SCAND3: variants seen among roughly 807,000 people sequenced by gnomAD.
The protein encoded by SCAND3 is SCAN domain-containing protein 3.
the SCAND3 span, among the ~76,000 whole-genome samples, chr6:28,585,021 C>T: frequency 6.6e-6 from 1 of 152,210 alleles, no homozygotes; most frequent in Non-Finnish European, 1.5e-5. Flanking sequence ...AACAAATGCT[C>T]CATTTCCTCC....
the SCAND3 span, among the ~76,000 whole-genome samples, chr6:28,611,005 T>A: frequency 3.2e-4 from 49 of 152,292 alleles, no homozygotes; most frequent in South Asian, 6.6e-3. Context: ...CATTAACAGA[T>A]CTATACCATT....
At chr6:28,576,565 G>C in the SCAND3 span, among the ~76,000 whole-genome samples, 1 of 151,840 alleles carries the variant, frequency 6.6e-6, no homozygotes, top group East Asian at 1.9e-4. Context: ...CACCAGGCCA[G>C]GGGGATACCA....
At chr6:28,607,770 T>C in the SCAND3 span, among the ~76,000 whole-genome samples, 1 of 152,166 alleles carries the variant, frequency 6.6e-6, no homozygotes, top group African/African-American at 2.4e-5. Flanking sequence ...CTAACCCGAA[T>C]GAGACAGAAT....
the SCAND3 span, among the ~76,000 whole-genome samples, chr6:28,595,177 G>A: frequency 1.4e-4 from 17 of 124,988 alleles, no homozygotes; most frequent in African/African-American, 5.6e-4. Flanking sequence ...GGGCAACATG[G>A]TGGAACCCCG....
the SCAND3 span, among the ~76,000 whole-genome samples, chr6:28,576,518 C>T: frequency 1.3e-5 from 2 of 152,120 alleles, no homozygotes; most frequent in Non-Finnish European, 2.9e-5. Flanking sequence ...CCAGCCTCAG[C>T]CTCCCAAAGT....
the SCAND3 span, among the ~76,000 whole-genome samples, chr6:28,607,989 C>T: frequency 6.6e-6 from 1 of 152,088 alleles, no homozygotes; most frequent in East Asian, 1.9e-4. Flanking sequence ...CCACAAGAGT[C>T]CTCTGAGGAG....
At chr6:28,586,873 T>C in the SCAND3 span, 2 of 634,940 alleles carry the variant, frequency 3.1e-6, no homozygotes, top group Non-Finnish European at 5.4e-6. This position sits in a 1 kb window ranked among gnomAD's most constrained non-coding sequence, Gnocchi z 4.4. Context: ...TTAAAAGGAC[T>C]TGTTTACGTG....
At chr6:28,615,601 A>T in the SCAND3 span, among the ~76,000 whole-genome samples, 3 of 1,948 alleles carry the variant, frequency 1.5e-3, no homozygotes, top group Non-Finnish European at 0.018. Flanking sequence ...ACTCCATCTC[A>T]AAAAAAAAAA....
chr6:28,611,910 C>T, the SCAND3 span, among the ~76,000 whole-genome samples: 1 of 152,192 alleles, frequency 6.6e-6, no homozygotes, highest in African/African-American at 2.4e-5. Context: ...AGGAACATTA[C>T]GGCCTAGAAT....
At chr6:28,576,094 C>T in the SCAND3 span, 1 of 1,604,268 alleles carries the variant, frequency 6.2e-7, no homozygotes, top group Non-Finnish European at 8.5e-7. Flanking sequence ...GAGGTTATCA[C>T]CACCCATGCT....
At chr6:28,587,049 C>G in the SCAND3 span, 1 of 289,718 alleles carries the variant, frequency 3.5e-6, no homozygotes, top group South Asian at 7.5e-5. Flanking sequence ...TACTTTGGCC[C>G]TAAATAAAGC....
chr6:28,593,466 GGA>G, the SCAND3 span: 1 of 152,062 alleles, frequency 6.6e-6, no homozygotes, highest in East Asian at 1.9e-4. Flanking sequence ...CCTGAGGTCA[GGA>G]GTTCAAGACC....
chr6:28,613,434 C>T, the SCAND3 span, among the ~76,000 whole-genome samples: 1 of 152,206 alleles, frequency 6.6e-6, no homozygotes, highest in Non-Finnish European at 1.5e-5. Context: ...TATAACTTTT[C>T]CACCATGTAT....
At chr6:28,572,690 C>A in the SCAND3 span, 3 of 1,614,078 alleles carry the variant, frequency 1.9e-6, no homozygotes, top group East Asian at 4.5e-5. The surrounding 1 kb of genome is among the most constrained non-coding windows in gnomAD (Gnocchi z 4.1). Flanking sequence ...CTTGACAGAA[C>A]TTTTCCCCGT....
the SCAND3 span, among the ~76,000 whole-genome samples, chr6:28,577,126 C>T: frequency 2.0e-5 from 3 of 152,016 alleles, no homozygotes; most frequent in Admixed American, 1.3e-4. Flanking sequence ...AATAAGAGTA[C>T]TGGATGAGTC....
the SCAND3 span, among the ~76,000 whole-genome samples, chr6:28,600,029 A>C: frequency 4.5e-4 from 68 of 152,280 alleles, 1 homozygote; most frequent in East Asian, 8.9e-3. Context: ...AAAACTATAG[A>C]ATTTCTAGCA....
chr6:28,595,894 T>C, the SCAND3 span, among the ~76,000 whole-genome samples: 16 of 152,156 alleles, frequency 1.1e-4, no homozygotes, highest in Non-Finnish European at 2.2e-4. Flanking sequence ...TATAATGCAA[T>C]AGATCATGAT....
chr6:28,575,854 T>C, the SCAND3 span: 1 of 1,614,126 alleles, frequency 6.2e-7, no homozygotes, highest in Admixed American at 1.7e-5. This position sits in a 1 kb window ranked among gnomAD's most constrained non-coding sequence, Gnocchi z 4.2. Flanking sequence ...TAGCTTCTCA[T>C]TTCCTTGTAC....
the SCAND3 span, among the ~76,000 whole-genome samples, chr6:28,614,951 T>C: frequency 3.3e-5 from 5 of 152,228 alleles, no homozygotes; most frequent in African/African-American, 1.2e-4. Context: ...GATATATTAG[T>C]TTACTAACTC....
Sources: allele counts gnomAD v4.1 joint callset (sites outside exome capture counted in the v4.1 genomes callset), GRCh38; gene constraint gnomAD v4.1.1; non-coding constraint Gnocchi (gnomAD v3.1); transcripts MANE v1.5; gene names NCBI Gene and HGNC (gene_info 2026-07-23, HGNC 2026-07-21).